Variants in BZW1 observed in about 807,000 individuals in gnomAD.
The protein encoded by BZW1 is eIF5-mimic protein 2.
BZW1 carries 3 observed loss-of-function variants against 54.1 expected under a neutral mutation model. The ratio of observed to expected loss-of-function variants is 0.06; its 90% CI spans 0.03 to 0.14. The LOEUF is 0.14. Among genes scored for constraint, BZW1 ranks in the 10% least tolerant of loss-of-function variants. The pLI is 1.00. For synonymous variants in BZW1, 152 were observed against 162.7 expected, an observed-to-expected ratio of 0.93 and a Z score of 0.50; for missense variants, 206 against 491.7, an observed-to-expected ratio of 0.42 and a Z score of 5.50.
At chr2:200,820,282 C>G in intron 10 of BZW1, 162 bp downstream of exon 10, 2 of 584,652 alleles carry the variant, frequency 3.4e-6, no homozygotes, top group Non-Finnish European at 5.7e-6. Flanking sequence ...TGCACTGATA[C>G]TTGTTTAAAA....
In BZW1 at chr2:200,823,728, A is replaced by C. The variant is rs1303630975; in HGVS notation, c.*1550A>C. 1 of 152,336 alleles carries C rather than the reference A, an allele frequency of 6.6e-6. No homozygotes were observed. Among genetic ancestry groups the C allele is most frequent in the African/African-American group, 2.4e-5 (1 of 41,376 alleles). The allele number at this position is 152,336 out of a possible 1,614,324, so 9.4% of individuals were successfully genotyped here. On this transcript the variant is annotated 3_prime_UTR_variant, in exon 12 of 12. Coordinates refer to ENST00000409600, the MANE Select transcript of BZW1 (RefSeq NM_001207067.2). ...GTAACTTTGATAAAGTTTTTCATGC[A>C]CAGGCAAAATGTATTCACTAGATTT...
Position 200,812,603 on chromosome 2 carries a change from G to A in BZW1, c.-10-605G>A, listed in dbSNP as rs1157253071. On this transcript the variant is annotated intron_variant, in intron 1 of 11. Transcript: ENST00000409600. ...CGGGCGGGAGGCATGGGAAGGGTGT[G>A]GATTGGGAGACACGTTACCGGGGAG... The A allele has an allele frequency of 7.3e-6, 10 of 1,376,954 alleles. No individual in the cohort carries two copies. The East Asian group carries it at 2.5e-4, about 35-fold the overall frequency. The allele number at this position is 1,376,954 out of a possible 1,614,324, so 85.3% of individuals were successfully genotyped here. A position where few individuals can be genotyped will look rare whatever the true frequency, so the allele number is the denominator to read the frequency against.
At chr2:200,814,224 T>G (rs1287204836) in intron 2 of BZW1, among the ~76,000 whole-genome samples, 1 of 152,256 alleles carries the variant, frequency 6.6e-6, no homozygotes, top group Admixed American at 6.5e-5. Context: ...TGATGTTACC[T>G]TGATACAAAT....
rs2038680744 is a variant in BZW1, at chr2:200,826,065, CTTGAT to C, written c.*3890_*3894del. On this transcript the variant is annotated 3_prime_UTR_variant, in exon 12 of 12. Transcript: ENST00000409600. ...CAGGAATAAAAAGGTTTTCAGTGGA[CTTGAT>C]TTAAGTGGAATCTGGATGATGTGAC... 6.6e-6 allele frequency: 1 copy of C among 152,136 alleles called. No homozygotes were observed. The highest frequency in any genetic ancestry group is 2.1e-4 in the South Asian group (1 of 4,824). The allele number at this position is 152,136 out of a possible 1,614,324, so 9.4% of individuals were successfully genotyped here.
chr2:200,825,863 C>G lies in BZW1; in HGVS notation c.*3685C>G, dbSNP rs80007393. 6.6e-6 allele frequency: 1 copy of G among 152,196 alleles called. No individual in the cohort carries two copies. Among genetic ancestry groups the G allele is most frequent in the African/African-American group, 2.4e-5 (1 of 41,440 alleles). The allele number at this position is 152,196 out of a possible 1,614,324, so 9.4% of individuals were successfully genotyped here. On this transcript the variant is annotated 3_prime_UTR_variant, in exon 12 of 12. Coordinates refer to ENST00000409600, the MANE Select transcript of BZW1 (RefSeq NM_001207067.2). Reference sequence around the variant, plus strand: ...AGTGTTACTTAAATTACCAAATTACCTTTGTACAAATATTCCTCAGATGCT... The same window carrying G: ...AGTGTTACTTAAATTACCAAATTACGTTTGTACAAATATTCCTCAGATGCT...
rs1224920436 is a variant in BZW1 at position 200,826,783 on chromosome 2, G to A, written c.*4605G>A. The A allele has an allele frequency of 6.6e-6, 1 of 152,168 alleles. No individual in the cohort carries two copies. Among genetic ancestry groups the A allele is most frequent in the Non-Finnish European group, 1.5e-5 (1 of 68,042 alleles). 9.4% of individuals were successfully genotyped at this position (152,168 alleles called of 1,614,324 possible). On this transcript the variant is annotated 3_prime_UTR_variant, in exon 12 of 12. Transcript: ENST00000409600. The stretch of plus-strand genomic sequence containing the variant: ...TGTTAAACTGTGGTATGATTAGAAT[G>A]TTGGTGGTTGTGTAGTGCATTTGGG...
At position 200,826,144 on chromosome 2, in the gene BZW1, A is replaced by G. The variant is rs186755663; in HGVS notation, c.*3966A>G. 3.9e-4 allele frequency: 60 copies of G among 152,272 alleles called. No individual in the cohort carries two copies. The East Asian group carries it at 8.1e-3, about 21-fold the overall frequency. 9.4% of individuals were successfully genotyped at this position (152,272 alleles called of 1,614,324 possible). On this transcript the variant is annotated 3_prime_UTR_variant, in exon 12 of 12. Coordinates refer to ENST00000409600, the MANE Select transcript of BZW1 (RefSeq NM_001207067.2). ...TGAGTTTATAATTGGCTTTTGTCCA[A>G]AAACTCTTAAGTGGATTAATATCTG... is the stretch of plus-strand genomic sequence containing the variant.
intron 8 of BZW1, 44 bp downstream of exon 8, chr2:200,818,437 C>A: frequency 6.4e-7 from 1 of 1,570,680 alleles, no homozygotes; most frequent in Non-Finnish European, 8.6e-7. Context: ...AAGCTTCTGG[C>A]ATAGAGATTT....
intron 5 of BZW1, among the ~76,000 whole-genome samples, 195 bp downstream of exon 5, chr2:200,816,585 G>A (rs1468917607): frequency 2.0e-5 from 3 of 152,102 alleles, no homozygotes; most frequent in South Asian, 2.1e-4. Flanking sequence ...TTTGCCTCCC[G>A]GGTTCAAGCG....
chr2:200,812,833 C>T, intron 1 of BZW1: 1 of 669,006 alleles, frequency 1.5e-6, no homozygotes, highest in Non-Finnish European at 2.8e-6. Context: ...TGCCTGCTGA[C>T]TATGGTGATA....
chr2:200,818,418 T>C (rs2038372576), intron 8 of BZW1, 25 bp downstream of exon 8: 1 of 1,592,396 alleles, frequency 6.3e-7, no homozygotes, highest in Non-Finnish European at 8.5e-7. Flanking sequence ...AAACCGTCTT[T>C]TTATGGCTAA....
rs919248974 is a variant in BZW1 at position 200,812,440 on chromosome 2, C to G, written c.-11+450C>G. 6.9e-6 allele frequency: 9 copies of G among 1,301,880 alleles called. No homozygotes were observed. In the African/African-American group the frequency reaches 1.4e-4, roughly 20 times the overall value. The allele number at this position is 1,301,880 out of a possible 1,614,324, so 80.6% of individuals were successfully genotyped here. A position where few individuals can be genotyped will look rare whatever the true frequency, so the allele number is the denominator to read the frequency against. ...GGGCGCCTGGGGCCCCGGCGCAAAG[C>G]GCCTCAGTGACTGTGGTCCGCTCGT... On this transcript the variant is annotated intron_variant, in intron 1 of 11. Transcript: ENST00000409600.
chr2:200,812,378 C>T (rs1440999272), intron 1 of BZW1: 2 of 1,285,650 alleles, frequency 1.6e-6, no homozygotes, highest in East Asian at 3.1e-5. Context: ...GCCGCCGCCT[C>T]CGCCGCTGCT....
rs529853476 is a variant in BZW1 at position 200,818,282 on chromosome 2, A to G, written c.708A>G (p.Ala236=). 18 of 1,610,198 alleles carry G rather than the reference A, an allele frequency of 1.1e-5. No homozygotes were observed. In the South Asian group the frequency reaches 1.3e-4, roughly 12 times the overall value. The change falls in exon 8 of 12, where the codon GCA becomes GCG. Residue 236 remains alanine (A), a synonymous_variant. Transcript: ENST00000409600. ...VEHFTKYFTE[A]GLKELSEYVR... ...ACTTCACAAAATATTTTACTGAGGC[A>G]GGCTTGAAAGAGCTTTCAGAATATG...
chr2:200,824,623 C>CA lies in BZW1; in HGVS notation c.*2446dup, dbSNP rs889286730. On this transcript the variant is annotated 3_prime_UTR_variant, in exon 12 of 12. Coordinates refer to ENST00000409600, the MANE Select transcript of BZW1 (RefSeq NM_001207067.2). ...TGACCAAGAGGTTGGACTTCTAATTCAGTTTTTCAAAAGCTTTTTTCCATT... is the reference window on the plus strand; with the variant it reads ...TGACCAAGAGGTTGGACTTCTAATTCAAGTTTTTCAAAAGCTTTTTTCCATT... The CA allele has an allele frequency of 1.2e-4, 18 of 150,434 alleles. No individual in the cohort carries two copies. The highest frequency in any genetic ancestry group is 4.1e-4 in the African/African-American group (17 of 40,982). The allele number at this position is 150,434 out of a possible 1,614,324, so 9.3% of individuals were successfully genotyped here.
intron 1 of BZW1, chr2:200,812,360 C>T: frequency 7.8e-7 from 1 of 1,282,346 alleles, no homozygotes; most frequent in Non-Finnish European, 9.8e-7. Flanking sequence ...CCACCCACCA[C>T]CGCTGCGGCC....
At chr2:200,815,846 GT>G in intron 4 of BZW1, 85 bp downstream of exon 4, 1 of 1,275,320 alleles carries the variant, frequency 7.8e-7, no homozygotes, top group Non-Finnish European at 1.1e-6. Context: ...AAGAGTTGTG[GT>G]TAGAAAGTTG....
At position 200,812,242 on chromosome 2, in the gene BZW1, C is replaced by T. The variant is rs562611658; in HGVS notation, c.-11+252C>T. The T allele has an allele frequency of 7.4e-5, 91 of 1,229,260 alleles. 1 individual carries two copies. The highest frequency in any genetic ancestry group is 1.6e-4 in the South Asian group (4 of 24,444). The allele number at this position is 1,229,260 out of a possible 1,614,324, so 76.1% of individuals were successfully genotyped here. A position where few individuals can be genotyped will look rare whatever the true frequency, so the allele number is the denominator to read the frequency against. ...CGGCGCTGGCTGCGAAGGCAGTGGCCGAGGCGGGCTCCCTCTGGGCCGTGC... is the reference window on the plus strand; with the variant it reads ...CGGCGCTGGCTGCGAAGGCAGTGGCTGAGGCGGGCTCCCTCTGGGCCGTGC... On this transcript the variant is annotated intron_variant, in intron 1 of 11. Coordinates refer to ENST00000409600, the MANE Select transcript of BZW1 (RefSeq NM_001207067.2).
rs576206260 is a variant in BZW1 at position 200,812,433 on chromosome 2, C to G, written c.-11+443C>G. On this transcript the variant is annotated intron_variant, in intron 1 of 11. Transcript: ENST00000409600. ...ATGTACGGGGCGCCTGGGGCCCCGGCGCAAAGCGCCTCAGTGACTGTGGTC... is the reference window on the plus strand; with the variant it reads ...ATGTACGGGGCGCCTGGGGCCCCGGGGCAAAGCGCCTCAGTGACTGTGGTC... 21 of 1,293,216 alleles carry G rather than the reference C, an allele frequency of 1.6e-5. No homozygotes were observed. The Middle Eastern group carries it at 3.9e-3, about 239-fold the overall frequency. 80.1% of individuals were successfully genotyped at this position (1,293,216 alleles called of 1,614,324 possible).
Sources: allele counts gnomAD v4.1 joint callset (sites outside exome capture counted in the v4.1 genomes callset), GRCh38; gene constraint gnomAD v4.1.1; transcripts MANE v1.5; gene names NCBI Gene and HGNC (gene_info 2026-07-23, HGNC 2026-07-21).